Variants in LAIR1 observed in about 807,000 individuals in gnomAD.
The protein encoded by LAIR1 is leukocyte-associated immunoglobulin-like receptor 1.
A neutral mutation model predicts 32.8 loss-of-function variants in LAIR1; 24 were observed. The observed-to-expected ratio is 0.73, with a 90% CI of 0.53 to 1.03. The LOEUF is 1.03. Ranked by LOEUF, LAIR1 falls within the 50% of genes least tolerant of loss-of-function variation. The probability of loss-of-function intolerance (pLI) is 0.00; values close to 1 mark genes in which losing one functional copy is unlikely to be tolerated. For synonymous variants in LAIR1, 150 were observed against 140.5 expected (o/e 1.07, Z -0.48); for missense variants, 355 against 347.5 (o/e 1.02, Z -0.17).
At position 54,351,615 on chromosome 19, in the gene LAIR1, A is replaced by C. The variant is rs561440082; in HGVS notation, c.*3653T>G. On this transcript the variant is annotated 3_prime_UTR_variant, in exon 10 of 10. Transcript: ENST00000391742. ...AACACAACATGCTATCACCACAACT[A>C]TTTTTAAATGTCTTAAGTAGTAGTT... 6.6e-6 allele frequency: 1 copy of C among 152,256 alleles called. No individual in the cohort carries two copies. The highest frequency in any genetic ancestry group is 1.9e-4 in the East Asian group (1 of 5,178). 9.4% of individuals were successfully genotyped at this position (152,256 alleles called of 1,614,324 possible).
At chr19:54,371,769 C>G (rs901550439), upstream of LAIR1, among the ~76,000 whole-genome samples, 36 of 151,538 alleles carry the variant, frequency 2.4e-4, no homozygotes, top group South Asian at 4.2e-4. Flanking sequence ...TTCATTTGTT[C>G]CTGCGTTTCT....
At chr19:54,369,035 C>T (rs1308084868), upstream of LAIR1, among the ~76,000 whole-genome samples, 1 of 150,936 alleles carries the variant, frequency 6.6e-6, no homozygotes, top group African/African-American at 2.5e-5. Context: ...TAAATTTAAA[C>T]TTGCAAAAGA....
At chr19:54,375,015 G>A (rs2082476754), upstream of LAIR1, among the ~76,000 whole-genome samples, 1 of 152,226 alleles carries the variant, frequency 6.6e-6, no homozygotes, top group East Asian at 1.9e-4. Flanking sequence ...CAGGTCCTGT[G>A]GCCCAGACTC....
Position 54,355,419 on chromosome 19 carries a change from G to A in LAIR1, c.718-5C>T. 1.9e-6 allele frequency: 3 copies of A among 1,598,312 alleles called. No homozygotes were observed. Among genetic ancestry groups the A allele is most frequent in the South Asian group, 2.3e-5 (2 of 88,244 alleles). Reference sequence around the variant, plus strand: ...GGAACTCCCTGCAGCCAGGGCCTAAGAGGGAGAGACCCAGGGTGAGGGAGT... The same window carrying A: ...GGAACTCCCTGCAGCCAGGGCCTAAAAGGGAGAGACCCAGGGTGAGGGAGT... On this transcript the variant is annotated splice_region_variant and splice_polypyrimidine_tract_variant and intron_variant, in intron 9 of 9. Coordinates refer to ENST00000391742, the MANE Select transcript of LAIR1 (RefSeq NM_002287.6). This position sits in a 1 kb window ranked among gnomAD's most constrained non-coding sequence, Gnocchi z 4.7.
chr19:54,375,398 GT>G (rs1487615821), upstream of LAIR1, among the ~76,000 whole-genome samples: 2 of 152,300 alleles, frequency 1.3e-5, no homozygotes, highest in East Asian at 3.9e-4. Context: ...CAGAGACTCA[GT>G]CCCAACCGTC....
At chr19:54,373,581 G>A (rs2082456318), upstream of LAIR1, among the ~76,000 whole-genome samples, 1 of 152,212 alleles carries the variant, frequency 6.6e-6, no homozygotes, top group Admixed American at 6.5e-5. Context: ...TTAGTGTAAT[G>A]ATTATGGGAA....
rs1262918281 is a variant in LAIR1 at position 54,361,140 on chromosome 19, A to G, written c.140T>C (p.Phe47Ser). Reference protein sequence around the residue: ...TVIPLGSHVTFVCRGPVGVQT... With the variant: ...TVIPLGSHVTSVCRGPVGVQT... ...AACCCCAACCGGGCCCCGGCACACG[A>G]AAGTCACATGGCTCCCCAGGGGGAT... Residue 47 changes from phenylalanine (F) to serine (S), a missense_variant, in exon 3 of 10, where the codon TTC becomes TCC. By Grantham distance (155) the Phe-to-Ser change is radical. Coordinates refer to ENST00000391742, the MANE Select transcript of LAIR1 (RefSeq NM_002287.6). 2 of 1,614,164 alleles carry G rather than the reference A, an allele frequency of 1.2e-6. No homozygotes were observed. The highest frequency in any genetic ancestry group is 1.1e-5 in the South Asian group (1 of 91,078).
In LAIR1 at chr19:54,356,674, T is replaced by C. The variant is rs2081729841; in HGVS notation, c.455-55A>G. ...GTGTGCATTTATTGAGCACCTACTG[T>C]ATACCACACACACGTCACGTGCGTT... On this transcript the variant is annotated intron_variant, in intron 5 of 9. Transcript: ENST00000391742. 2.6e-6 allele frequency: 4 copies of C among 1,540,904 alleles called. No homozygotes were observed. The Middle Eastern group carries it at 5.1e-4, about 196-fold the overall frequency.
intron 4 of LAIR1, chr19:54,357,387 A>G (rs1393140103): frequency 6.1e-6 from 1 of 163,384 alleles, no homozygotes; most frequent in African/African-American, 2.4e-5. Context: ...AGAGGAAGGG[A>G]GACCTTCCCT....
rs1338718997 is a variant in LAIR1, at chr19:54,361,066, C to G, written c.214G>C (p.Glu72Gln). The G allele has an allele frequency of 3.1e-6, 5 of 1,614,200 alleles. 1 individual carries two copies. The highest frequency in any genetic ancestry group is 1.3e-5 in the African/African-American group (1 of 75,048). Reference sequence around the variant, plus strand: ...GATGGACTAGCTTGAGACACATCTTCAGTATCATTGTATGTGGATCTACTG... The same window carrying G: ...GATGGACTAGCTTGAGACACATCTTGAGTATCATTGTATGTGGATCTACTG... The part of the protein sequence containing the change: ...RDSRSTYNDT[E>Q]DVSQASPSES... Residue 72 changes from glutamate to glutamine, a missense_variant, in exon 3 of 10, where the codon GAA becomes CAA. By Grantham distance (29) the Glu-to-Gln change is conservative. Transcript: ENST00000391742.
chr19:54,355,313 C>T lies in LAIR1; in HGVS notation c.819G>A (p.Lys273=). The change falls in exon 10 of 10, where the codon AAG becomes AAA. Residue 273 remains lysine, a synonymous_variant. Coordinates refer to ENST00000391742, the MANE Select transcript of LAIR1 (RefSeq NM_002287.6). This position sits in a 1 kb window ranked among gnomAD's most constrained non-coding sequence, Gnocchi z 4.7. The part of the protein sequence containing the change: ...TARAVSPQST[K]PMAESITYAA... ...CATACGTGATGGACTCGGCCATGGG[C>T]TTTGTGGACTGTGGGGACACAGCCC... 9.3e-6 allele frequency: 15 copies of T among 1,613,186 alleles called. No individual in the cohort carries two copies. The highest frequency in any genetic ancestry group is 1.3e-5 in the Non-Finnish European group (15 of 1,179,522).
In LAIR1 at chr19:54,353,956, A is replaced by C. The variant is rs2081594532; in HGVS notation, c.*1312T>G. On this transcript the variant is annotated 3_prime_UTR_variant, in exon 10 of 10. Transcript: ENST00000391742. Reference sequence around the variant, plus strand: ...CACCGTGTTAGCCAGGATGGTCTCGATCTCCTGACCTCGTGATCCGCCCAC... The same window carrying C: ...CACCGTGTTAGCCAGGATGGTCTCGCTCTCCTGACCTCGTGATCCGCCCAC... 1 of 150,958 alleles carries C rather than the reference A, an allele frequency of 6.6e-6. No individual in the cohort carries two copies. The highest frequency in any genetic ancestry group is 2.4e-5 in the African/African-American group (1 of 41,070). The allele number at this position is 150,958 out of a possible 1,614,324, so 9.4% of individuals were successfully genotyped here.
intron 2 of LAIR1, among the ~76,000 whole-genome samples, chr19:54,361,679 C>T (rs4021842): frequency 0.46 from 62,148 of 134,040 alleles, 14,207 homozygotes; most frequent in Middle Eastern, 0.63. Context: ...GAGTGTGGGA[C>T]GGGGGTTGCC....
chr19:54,365,056 C>T, upstream of LAIR1: 4 of 1,391,404 alleles, frequency 2.9e-6, no homozygotes, highest in Non-Finnish European at 3.7e-6. Context: ...AGGCAGATGA[C>T]CGTAAACTAG....
chr19:54,356,867 C>G, intron 5 of LAIR1, 61 bp downstream of exon 5: 2 of 1,597,502 alleles, frequency 1.3e-6, no homozygotes, highest in Non-Finnish European at 1.7e-6. Context: ...AAAGCCTGAC[C>G]TCTTTCTCCT....
Position 54,364,831 on chromosome 19 carries a change from G to A in LAIR1, c.-27C>T, listed in dbSNP as rs765837252. The A allele has an allele frequency of 5.0e-6, 8 of 1,613,936 alleles. No homozygotes were observed. The Admixed American group carries it at 1.3e-4, about 27-fold the overall frequency. ...GCCCAGGTCCCAGCAGTGCAGCCTG[G>A]CCTGAGGCGCACCAATGCAAGGACA... On this transcript the variant is annotated 5_prime_UTR_variant, in exon 1 of 10. Coordinates refer to ENST00000391742, the MANE Select transcript of LAIR1 (RefSeq NM_002287.6). This position sits in a 1 kb window ranked among gnomAD's most constrained non-coding sequence, Gnocchi z 4.8.
In LAIR1 at chr19:54,354,784, A is replaced by T. The variant is rs1223200782; in HGVS notation, c.*484T>A. ...AGCACAGTCTCAAGGCTAGCTCTTG[A>T]CTTCTAGGAAGGTCTTTAGGGTCAG... On this transcript the variant is annotated 3_prime_UTR_variant, in exon 10 of 10. Transcript: ENST00000391742. 6.5e-6 allele frequency: 1 copy of T among 153,654 alleles called. No individual in the cohort carries two copies. Among genetic ancestry groups the T allele is most frequent in the African/African-American group, 2.4e-5 (1 of 41,444 alleles). The allele number at this position is 153,654 out of a possible 1,614,324, so 9.5% of individuals were successfully genotyped here.
At chr19:54,367,005 G>A (rs553982866), upstream of LAIR1, among the ~76,000 whole-genome samples, 28 of 152,162 alleles carry the variant, frequency 1.8e-4, no homozygotes, top group Admixed American at 2.6e-4. Flanking sequence ...GCTGGGCAAC[G>A]ACTTGCTGGA....
At chr19:54,362,850 T>C (rs1324803017) in intron 2 of LAIR1, among the ~76,000 whole-genome samples, 1 of 152,106 alleles carries the variant, frequency 6.6e-6, no homozygotes, top group Non-Finnish European at 1.5e-5. Flanking sequence ...AACCACCATA[T>C]TGAGCGGCAT....
Sources: allele counts gnomAD v4.1 joint callset (sites outside exome capture counted in the v4.1 genomes callset), GRCh38; gene constraint gnomAD v4.1.1; non-coding constraint Gnocchi (gnomAD v3.1); transcripts MANE v1.5; gene names NCBI Gene and HGNC (gene_info 2026-07-23, HGNC 2026-07-21).